Variants in ADARB2 observed in about 807,000 individuals in gnomAD.
The protein encoded by ADARB2 is adenosine deaminase RNA specific B2 (inactive).
ADARB2 carries 25 observed loss-of-function variants against 62.2 expected under a neutral mutation model. That is an observed-to-expected ratio of 0.40 (90% confidence interval 0.29 to 0.56). The LOEUF (loss-of-function observed/expected upper bound fraction) is 0.56. ADARB2 is among the 20% of genes least tolerant of loss of function. The pLI is 0.43. For synonymous variants in ADARB2, 572 were observed against 500.8 expected (o/e 1.14, Z -1.90); for missense variants, 1,071 against 1,077.4 (o/e 0.99, Z 0.08).
At chr10:1,206,235 G>A (rs1837063592) in intron 7 of ADARB2, among the ~76,000 whole-genome samples, 2 of 152,196 alleles carry the variant, frequency 1.3e-5, no homozygotes, top group Non-Finnish European at 2.9e-5. Context: ...CCCCAGGTGC[G>A]TCTCTCCATT....
chr10:1,644,627 G>A (rs1051168158), intron 1 of ADARB2, among the ~76,000 whole-genome samples: 9 of 152,236 alleles, frequency 5.9e-5, no homozygotes, highest in Non-Finnish European at 8.8e-5. Context: ...AGGCGCCTAC[G>A]CGGAGTGGAC....
chr10:1,293,226 C>CA (rs1831490885), intron 3 of ADARB2, among the ~76,000 whole-genome samples: 31 of 60,976 alleles, frequency 5.1e-4, no homozygotes, highest in East Asian at 4.5e-3. Flanking sequence ...GAGAGAGGGA[C>CA]GGGGAGGGAG....
At chr10:1,512,444 C>T (rs1328496994) in intron 1 of ADARB2, among the ~76,000 whole-genome samples, 2 of 152,220 alleles carry the variant, frequency 1.3e-5, no homozygotes, top group African/African-American at 2.4e-5. Context: ...GACTTTGATG[C>T]TGTCTACACT....
chr10:1,676,207 C>CGGGAAATT, intron 1 of ADARB2: 1 of 218,636 alleles, frequency 4.6e-6, no homozygotes, highest in Non-Finnish European at 7.8e-6. Context: ...CTCAAAGTCC[C>CGGGAAATT]ACTTCTGCTG....
intron 4 of ADARB2, 60 bp from the exon 5 acceptor site, chr10:1,242,359 G>A (rs1429722569): frequency 2.0e-6 from 3 of 1,485,720 alleles, no homozygotes; most frequent in Non-Finnish European, 2.7e-6. Flanking sequence ...CCTCCTCCTC[G>A]GTCTTTTCAG....
chr10:1,478,728 G>A lies in ADARB2; in HGVS notation c.101-99568C>T, dbSNP rs1381640390. 3.6e-5 allele frequency among the ~76,000 whole-genome samples: 5 copies of A among 139,640 alleles called. 1 individual carries two copies. Among genetic ancestry groups the A allele is most frequent in the Admixed American group, 1.4e-4 (2 of 13,978 alleles). The allele number at this position is 139,640 out of a possible 152,430, so 91.6% of individuals were successfully genotyped here. ...GGAGAGCGCCAAAACAAGGACCCTC[G>A]GACGGGAGAGCGCCAAAACAAGGAC... On this transcript the variant is annotated intron_variant, in intron 1 of 9. Transcript: ENST00000381312.
At position 1,262,365 on chromosome 10, in the gene ADARB2, G is replaced by A. The variant is rs569728401; in HGVS notation, c.1192+8590C>T. 1.4e-4 allele frequency among the ~76,000 whole-genome samples: 21 copies of A among 150,810 alleles called. No individual in the cohort carries two copies. In the South Asian group the frequency reaches 4.4e-3, roughly 32 times the overall value. The stretch of plus-strand genomic sequence containing the variant: ...TGAACAGGCAGCCTACAGAATGGGA[G>A]AAAATTTTTGCAACCCACTCATGTG... On this transcript the variant is annotated intron_variant, in intron 4 of 9. Transcript: ENST00000381312.
intron 2 of ADARB2, among the ~76,000 whole-genome samples, chr10:1,377,929 G>C (rs985330149): frequency 6.6e-6 from 1 of 152,118 alleles, no homozygotes; most frequent in South Asian, 2.1e-4. Context: ...TGATGGCAAA[G>C]TACACGGCTC....
chr10:1,303,389 A>T (rs895698044), intron 3 of ADARB2, among the ~76,000 whole-genome samples: 1 of 151,880 alleles, frequency 6.6e-6, no homozygotes, highest in Admixed American at 6.6e-5. Context: ...GAAAAGACCA[A>T]ATCTACATCT....
At chr10:1,716,557 T>C (rs1449616015) in intron 1 of ADARB2, among the ~76,000 whole-genome samples, 1 of 152,182 alleles carries the variant, frequency 6.6e-6, no homozygotes, top group Non-Finnish European at 1.5e-5. Flanking sequence ...TGTTTAAAGT[T>C]GAGATAAGTT....
intron 1 of ADARB2, among the ~76,000 whole-genome samples, chr10:1,703,828 T>C (rs890549516): frequency 2.0e-5 from 3 of 152,192 alleles, no homozygotes; most frequent in Non-Finnish European, 2.9e-5. Context: ...TTTTGACCAC[T>C]GTTCACTATA....
chr10:1,258,740 C>T (rs990818905), intron 4 of ADARB2, among the ~76,000 whole-genome samples: 3 of 152,120 alleles, frequency 2.0e-5, no homozygotes, highest in East Asian at 1.9e-4. Context: ...GACAGATCAA[C>T]GAGACATAAA....
At chr10:1,442,581 C>T (rs192619287) in intron 1 of ADARB2, among the ~76,000 whole-genome samples, 17 of 152,290 alleles carry the variant, frequency 1.1e-4, no homozygotes, top group Admixed American at 2.0e-4. Flanking sequence ...CCAGGCTCAC[C>T]CAAGTGCTAC....
intron 4 of ADARB2, among the ~76,000 whole-genome samples, chr10:1,259,919 G>A (rs545911877): frequency 2.6e-5 from 4 of 152,232 alleles, no homozygotes; most frequent in South Asian, 2.1e-4. Flanking sequence ...TGGGCAAACC[G>A]AATCCAGCAA....
At chr10:1,324,703 A>C (rs1038629882) in intron 3 of ADARB2, among the ~76,000 whole-genome samples, 1 of 152,164 alleles carries the variant, frequency 6.6e-6, no homozygotes, top group African/African-American at 2.4e-5. Flanking sequence ...TGGAGAACAG[A>C]CCAGTGGCCA....
At chr10:1,476,839 G>A (rs1477730627) in intron 1 of ADARB2, among the ~76,000 whole-genome samples, 2 of 152,154 alleles carry the variant, frequency 1.3e-5, no homozygotes, top group East Asian at 3.9e-4. Flanking sequence ...ACGGCCCTCT[G>A]GGGTGTGGAG....
intron 8 of ADARB2, among the ~76,000 whole-genome samples, chr10:1,189,255 G>C (rs1351238048): frequency 6.6e-6 from 1 of 152,050 alleles, no homozygotes; most frequent in Non-Finnish European, 1.5e-5. Context: ...ATGGTGCACT[G>C]ATTTTATAAT....
chr10:1,540,411 G>A (rs1475681694), intron 1 of ADARB2, among the ~76,000 whole-genome samples: 4 of 126,738 alleles, frequency 3.2e-5, no homozygotes, highest in African/African-American at 1.1e-4. Context: ...CTCACCTGCG[G>A]CCTTAGAAGG....
intron 1 of ADARB2, among the ~76,000 whole-genome samples, chr10:1,644,236 T>A (rs1423004578): frequency 6.6e-6 from 1 of 152,232 alleles, no homozygotes; most frequent in African/African-American, 2.4e-5. Flanking sequence ...TGCAGCCGCA[T>A]TTGCGAGTGT....
Sources: allele counts gnomAD v4.1 joint callset (sites outside exome capture counted in the v4.1 genomes callset), GRCh38; gene constraint gnomAD v4.1.1; transcripts MANE v1.5; gene names NCBI Gene and HGNC (gene_info 2026-07-23, HGNC 2026-07-21).